CANX: variants seen among roughly 807,000 people sequenced by gnomAD.
The protein encoded by CANX is calnexin.
A neutral mutation model predicts 75.7 loss-of-function variants in CANX; 14 were observed. The ratio of observed to expected loss-of-function variants is 0.19; its 90% CI spans 0.12 to 0.29. The LOEUF (loss-of-function observed/expected upper bound fraction) is 0.29. Among genes scored for constraint, CANX ranks in the 10% least tolerant of loss-of-function variants. The probability of loss-of-function intolerance (pLI) is 1.00; values close to 1 mark genes in which losing one functional copy is unlikely to be tolerated. For missense variants in CANX, 567 were observed against 713.2 expected (o/e 0.79, Z 2.34); for synonymous variants, 227 against 236.9 (o/e 0.96, Z 0.38).
rs1331933244 is a variant in CANX, at chr5:179,716,296, T to TACCA, written c.911+2_911+3insACCA. On this transcript the variant is annotated splice_region_variant and intron_variant, in intron 8 of 14. Transcript: ENST00000247461. The stretch of plus-strand genomic sequence containing the variant: ...AGAAGCTGTCAAGCCAGATGACTGG[T>TACCA]GAGTCTTGGGGAACTGTCTTCAAGT... The TACCA allele has an allele frequency of 6.2e-7, 1 of 1,612,246 alleles. No individual in the cohort carries two copies. The highest frequency in any genetic ancestry group is 1.7e-5 in the Admixed American group (1 of 59,882).
chr5:179,714,439 G>A (rs1777787095), intron 7 of CANX, among the ~76,000 whole-genome samples: 1 of 152,126 alleles, frequency 6.6e-6, no homozygotes, highest in East Asian at 1.9e-4. Context: ...CATCAGCATT[G>A]TGATATATAT....
In CANX at chr5:179,724,725, A is replaced by G. The variant is rs1428010247; in HGVS notation, c.1587A>G (p.Glu529=). The change falls in exon 13 of 15, where the codon GAA becomes GAG. Residue 529 remains glutamate, a synonymous_variant. Transcript: ENST00000247461. ...AACCGGATGTGAAGGAAGAGGAAGA[A>G]GAGAAGGAAGAGGAAAAGGACAAGG... ...APQPDVKEEE[E]EKEEEKDKGD... is the part of the protein sequence containing the mutation. The G allele has an allele frequency of 1.2e-6, 2 of 1,612,122 alleles. No homozygotes were observed. The highest frequency in any genetic ancestry group is 1.7e-6 in the Non-Finnish European group (2 of 1,178,150).
intron 7 of CANX, among the ~76,000 whole-genome samples, chr5:179,710,612 G>A (rs1777480403): frequency 6.8e-6 from 1 of 147,816 alleles, no homozygotes; most frequent in East Asian, 2.0e-4. Context: ...GGAGGCTGAG[G>A]CAGGAGAATG....
intron 1 of CANX, among the ~76,000 whole-genome samples, chr5:179,691,853 C>T (rs890472836): frequency 5.3e-5 from 8 of 152,248 alleles, no homozygotes; most frequent in African/African-American, 1.7e-4. Flanking sequence ...ACTCAGCTCA[C>T]TGCAAGCTCT....
intron 1 of CANX, chr5:179,679,118 G>C (rs762646462): frequency 9.1e-6 from 14 of 1,535,598 alleles, no homozygotes; most frequent in Non-Finnish European, 1.2e-5. Flanking sequence ...ATGGCTCGTA[G>C]CCGAGCACTC....
chr5:179,703,250 C>T (rs1393981299), intron 1 of CANX, among the ~76,000 whole-genome samples: 1 of 145,646 alleles, frequency 6.9e-6, no homozygotes, highest in Non-Finnish European at 1.5e-5. Flanking sequence ...GAGGTGGAGT[C>T]TCTGTGGCCC....
At chr5:179,698,443 C>G (rs1046503535), upstream of CANX, 9 of 1,285,508 alleles carry the variant, frequency 7.0e-6, no homozygotes, top group Non-Finnish European at 9.1e-6. Flanking sequence ...GCCAGGCGCT[C>G]GCGCTGGGTT....
intron 1 of CANX, among the ~76,000 whole-genome samples, chr5:179,693,145 C>CAAA (rs766961125): frequency 9.7e-5 from 9 of 92,922 alleles, no homozygotes; most frequent in South Asian, 3.9e-4. Context: ...AACTCCGTCT[C>CAAA]AAAAAAAAAA....
At position 179,699,044 on chromosome 5, in the gene CANX, G is replaced by C; in HGVS notation, c.-62G>C. ...CGCCTCTCTCTTTACTGCGGCGCGG[G>C]GCAAGGTGTGCGGGCGGGAAGGGGC... On this transcript the variant is annotated 5_prime_UTR_variant, in exon 1 of 15. Coordinates refer to ENST00000247461, the MANE Select transcript of CANX (RefSeq NM_001746.4). The C allele has an allele frequency of 9.0e-7, 1 of 1,111,554 alleles. No individual in the cohort carries two copies. The highest frequency in any genetic ancestry group is 1.1e-6 in the Non-Finnish European group (1 of 903,578). 68.9% of individuals were successfully genotyped at this position (1,111,554 alleles called of 1,614,324 possible).
chr5:179,726,806 A>G, intron 14 of CANX, 47 bp downstream of exon 14: 4 of 1,352,194 alleles, frequency 3.0e-6, no homozygotes, highest in Non-Finnish European at 4.2e-6. Flanking sequence ...CTGAAGGTAC[A>G]TTTATGTAAA....
At chr5:179,719,320 T>A (rs1269806408) in intron 8 of CANX, among the ~76,000 whole-genome samples, 1 of 152,198 alleles carries the variant, frequency 6.6e-6, no homozygotes, top group Non-Finnish European at 1.5e-5. Flanking sequence ...CTAAGTGGTA[T>A]CGTTTTGATT....
In CANX at chr5:179,699,149, G is replaced by A. The variant is rs373052316; in HGVS notation, c.-4+47G>A. ...CGTCCTCGGGCCTGTGAGGACCTCG[G>A]GGGGCTGGGAGCGCCTCTGCGGCTG... On this transcript the variant is annotated intron_variant, in intron 1 of 14. Coordinates refer to ENST00000247461, the MANE Select transcript of CANX (RefSeq NM_001746.4). 7.1e-6 allele frequency: 7 copies of A among 985,946 alleles called. No homozygotes were observed. In the African/African-American group the frequency reaches 8.8e-5, roughly 12 times the overall value. 61.1% of individuals were successfully genotyped at this position (985,946 alleles called of 1,614,324 possible). A position where few individuals can be genotyped will look rare whatever the true frequency, so the allele number is the denominator to read the frequency against.
intron 13 of CANX, among the ~76,000 whole-genome samples, chr5:179,725,549 AGGTGC>A (rs1309026865): frequency 6.6e-6 from 1 of 150,964 alleles, no homozygotes; most frequent in African/African-American, 2.4e-5. Flanking sequence ...GCATGGTGGC[AGGTGC>A]CTGTAGTCCC....
intron 7 of CANX, among the ~76,000 whole-genome samples, chr5:179,714,221 G>A (rs1487278872): frequency 6.6e-6 from 1 of 152,032 alleles, no homozygotes; most frequent in South Asian, 2.1e-4. Context: ...GGCTGGTCTC[G>A]AACTCCCAAC....
rs200070657 is a variant in CANX at position 179,687,081 on chromosome 5, G to GT, written c.-4+8311dup. Among the ~76,000 whole-genome samples the GT allele has an allele frequency of 4.9e-3, 735 of 150,000 alleles. 2 individuals carry two copies. The highest frequency in any genetic ancestry group is 8.8e-3 in the Non-Finnish European group (592 of 67,492). The stretch of plus-strand genomic sequence containing the variant: ...CATGAGCCACTGCACCCGGCCTGCA[G>GT]TTTTTTTGTTTGTTTGTTTGTTTTT... On this transcript the variant is annotated intron_variant, in intron 1 of 14. Transcript: ENST00000681674.
Position 179,708,896 on chromosome 5 carries a change from A to G in CANX, c.447-82A>G. On this transcript the variant is annotated intron_variant, in intron 5 of 14. Coordinates refer to ENST00000247461, the MANE Select transcript of CANX (RefSeq NM_001746.4). ...TGACCTATGATAAAACGTGACTAAG[A>G]TGAGGGAGAGAGGAAATACATTAAG... is the stretch of plus-strand genomic sequence containing the variant. 6.8e-6 allele frequency: 5 copies of G among 738,010 alleles called. No homozygotes were observed. In the South Asian group the frequency reaches 7.5e-5, roughly 11 times the overall value. The allele number at this position is 738,010 out of a possible 1,614,324, so 45.7% of individuals were successfully genotyped here.
At chr5:179,727,138 G>A (rs774715995) in intron 14 of CANX, among the ~76,000 whole-genome samples, 1 of 152,176 alleles carries the variant, frequency 6.6e-6, no homozygotes, top group African/African-American at 2.4e-5. Context: ...GTTGTCCATA[G>A]ATGGGTTCAT....
intron 2 of CANX, 53 bp downstream of exon 2, chr5:179,705,905 A>C: frequency 2.0e-6 from 3 of 1,477,748 alleles, no homozygotes; most frequent in Non-Finnish European, 2.8e-6. Context: ...TGATAAAATT[A>C]TGAAGATACC....
intron 4 of CANX, among the ~76,000 whole-genome samples, 160 bp downstream of exon 4, chr5:179,707,350 C>A (rs933760639): frequency 3.3e-5 from 5 of 152,078 alleles, no homozygotes; most frequent in African/African-American, 1.2e-4. Context: ...TTTCGGAAGC[C>A]AAGGCGGGCA....
Sources: gnomAD v4.1 joint callset for allele counts (sites outside exome capture counted in the v4.1 genomes callset) on GRCh38, gnomAD v4.1.1 for gene constraint, MANE v1.5 for transcripts, NCBI Gene and HGNC (gene_info 2026-07-23, HGNC 2026-07-21) for gene names.